USP28: variants seen among roughly 807,000 people sequenced by gnomAD.
USP28 encodes the protein ubiquitin carboxyl-terminal hydrolase 28.
A neutral mutation model predicts 145.0 loss-of-function variants in USP28; 113 were observed. That is an observed-to-expected ratio of 0.78 (90% CI 0.67 to 0.91). The LOEUF (loss-of-function observed/expected upper bound fraction) is 0.91. Among genes scored for constraint, USP28 ranks in the 40% least tolerant of loss-of-function variants. The pLI is 0.00. For synonymous variants in USP28, 447 were observed against 450.9 expected, an observed-to-expected ratio of 0.99 and a Z score of 0.11; for missense variants, 1,201 against 1,289.6, an observed-to-expected ratio of 0.93 and a Z score of 1.05.
intron 24 of USP28, among the ~76,000 whole-genome samples, chr11:113,799,786 C>T (rs1938616055): frequency 1.3e-5 from 2 of 152,050 alleles, no homozygotes; most frequent in African/African-American, 4.8e-5. Context: ...AGTCTTTTGG[C>T]TTCCCTGGGC....
chr11:113,837,955 T>C (rs918772074), intron 5 of USP28, among the ~76,000 whole-genome samples: 3 of 152,130 alleles, frequency 2.0e-5, no homozygotes, highest in African/African-American at 7.2e-5. Context: ...ACTCTGTCAC[T>C]TCTCCACTGT....
chr11:113,833,282 C>T, intron 7 of USP28, 138 bp downstream of exon 7: 1 of 1,249,510 alleles, frequency 8.0e-7, no homozygotes. Context: ...GTTCTGTAGG[C>T]AAAACAAAAG....
intron 23 of USP28, among the ~76,000 whole-genome samples, chr11:113,802,096 G>A (rs976773793): frequency 6.6e-6 from 1 of 152,156 alleles, no homozygotes; most frequent in African/African-American, 2.4e-5. Flanking sequence ...TGAGCTTCAC[G>A]ACTGTCTGAA....
chr11:113,809,223 T>C (rs1415574620), exon 17 of USP28: 1 of 1,614,070 alleles, frequency 6.2e-7, no homozygotes, highest in Non-Finnish European at 8.5e-7. Flanking sequence ...CTTCCACTTC[T>C]GACATTTGAT....
At chr11:113,842,360 C>A (rs1229788977) in intron 3 of USP28, among the ~76,000 whole-genome samples, 2 of 151,536 alleles carry the variant, frequency 1.3e-5, no homozygotes, top group Non-Finnish European at 2.9e-5. Context: ...CCGAGGCGGG[C>A]GGATCACGAG....
chr11:113,829,479 T>C (rs941590451), intron 9 of USP28, 134 bp from the exon 10 acceptor site: 23 of 1,007,796 alleles, frequency 2.3e-5, no homozygotes, highest in African/African-American at 3.3e-5. Context: ...TACGCCTTTA[T>C]AGCAACCTCT....
chr11:113,814,545 C>A, intron 14 of USP28, among the ~76,000 whole-genome samples: 1 of 152,044 alleles, frequency 6.6e-6, no homozygotes, highest in East Asian at 1.9e-4. Flanking sequence ...TCCAGAAAAG[C>A]TAAATGCTAA....
chr11:113,799,542 A>G (rs1938554833), intron 24 of USP28, 127 bp from the exon 26 acceptor site: 2 of 1,102,860 alleles, frequency 1.8e-6, no homozygotes, highest in Non-Finnish European at 2.5e-6. Flanking sequence ...GTTACTAATA[A>G]ATGATTATTC....
chr11:113,820,773 T>A (rs1264194630), intron 12 of USP28: 1 of 152,808 alleles, frequency 6.5e-6, no homozygotes, highest in Admixed American at 6.5e-5. Context: ...GTGGAACTAG[T>A]TGAGATGTCC....
chr11:113,856,029 C>A (rs1030716213), intron 1 of USP28, among the ~76,000 whole-genome samples: 1 of 152,224 alleles, frequency 6.6e-6, no homozygotes, highest in Non-Finnish European at 1.5e-5. Context: ...GACTTTCACG[C>A]TATGAGTCTT....
At chr11:113,824,203 C>A (rs1018343743) in intron 11 of USP28, among the ~76,000 whole-genome samples, 2 of 152,098 alleles carry the variant, frequency 1.3e-5, no homozygotes, top group Non-Finnish European at 2.9e-5. Flanking sequence ...CAAACATGTG[C>A]AAGACCTGTA....
At chr11:113,852,136 C>T (rs1946531876) in intron 3 of USP28, among the ~76,000 whole-genome samples, 1 of 152,196 alleles carries the variant, frequency 6.6e-6, no homozygotes, top group African/African-American at 2.4e-5. Flanking sequence ...TCATGCCATT[C>T]TCCTGCCTCA....
chr11:113,836,300 C>A (rs1309612594), intron 5 of USP28, among the ~76,000 whole-genome samples: 2 of 152,084 alleles, frequency 1.3e-5, no homozygotes, highest in Non-Finnish European at 2.9e-5. Flanking sequence ...AGTCCCTTGG[C>A]CTCTGACTCT....
chr11:113,803,515 G>C (rs1591472682), intron 22 of USP28, among the ~76,000 whole-genome samples: 1 of 152,286 alleles, frequency 6.6e-6, no homozygotes, highest in East Asian at 1.9e-4. Flanking sequence ...ATGCTCACTA[G>C]GGTCTATGTC....
In USP28 at chr11:113,835,851, C is replaced by T. The variant is rs566429972; in HGVS notation, c.535-1516G>A. On this transcript the variant is annotated intron_variant, in intron 5 of 24. Transcript: ENST00000003302. ...ATCCCAGCACTTTGGGAGGCTGAGG[C>T]GGGCAGATCACCTGAGGTCAGGAGT... Among the ~76,000 whole-genome samples the T allele has an allele frequency of 1.2e-4, 18 of 152,304 alleles. 1 individual carries two copies. The East Asian group carries it at 3.1e-3, about 26-fold the overall frequency.
chr11:113,869,808 CAAGCAGACCTGTTCAAA>C (rs1377353313), intron 1 of USP28, among the ~76,000 whole-genome samples: 1 of 152,096 alleles, frequency 6.6e-6, no homozygotes, highest in East Asian at 1.9e-4. Flanking sequence ...GGTTGATATT[CAAGCAGACCTGTTCAAA>C]AAGCACTGGG....
At chr11:113,829,865 T>G (rs1259591369) in intron 9 of USP28, among the ~76,000 whole-genome samples, 1 of 150,420 alleles carries the variant, frequency 6.6e-6, no homozygotes, top group Non-Finnish European at 1.5e-5. Context: ...CAACCAGACA[T>G]TATGTACTTC....
At chr11:113,835,100 C>T in intron 5 of USP28, 1 of 364,580 alleles carries the variant, frequency 2.7e-6, no homozygotes, top group South Asian at 2.1e-5. Flanking sequence ...CTATTCTCCA[C>T]TCCTTGTCAT....
intron 5 of USP28, among the ~76,000 whole-genome samples, chr11:113,840,264 C>T (rs886776736): frequency 9.2e-5 from 14 of 152,216 alleles, no homozygotes; most frequent in Non-Finnish European, 1.6e-4. Context: ...TCTGCCACTT[C>T]TCTACTCCAG....
Sources: allele counts gnomAD v4.1 joint callset (sites outside exome capture counted in the v4.1 genomes callset), GRCh38; gene constraint gnomAD v4.1.1; transcripts MANE v1.5; gene names NCBI Gene and HGNC (gene_info 2026-07-23, HGNC 2026-07-21).